Variants in HLCS observed in about 807,000 individuals in gnomAD.
The protein encoded by HLCS is biotin--protein ligase.
HLCS carries 53 observed loss-of-function variants against 75.0 expected under a neutral mutation model. The ratio of observed to expected loss-of-function variants is 0.71; its 90% CI spans 0.57 to 0.89. HLCS has a LOEUF of 0.89. HLCS is among the 40% of genes least tolerant of loss of function. The pLI is 0.00. For missense variants in HLCS, 966 were observed against 1,074.0 expected (o/e 0.90, Z 1.41); for synonymous variants, 431 against 428.6 (o/e 1.01, Z -0.07).
intron 6 of HLCS, among the ~76,000 whole-genome samples, chr21:36,801,246 T>C (rs1002744023): frequency 9.9e-5 from 15 of 152,190 alleles, no homozygotes; most frequent in African/African-American, 2.9e-4. Context: ...CAGTTCACAA[T>C]AGAGACGCAA....
intron 6 of HLCS, among the ~76,000 whole-genome samples, chr21:36,876,266 C>G (rs1344172051): frequency 6.6e-6 from 1 of 152,178 alleles, no homozygotes; most frequent in East Asian, 1.9e-4. Context: ...AAAGGTACCA[C>G]CAGCCACAGA....
chr21:36,913,743 G>A (rs974255389), intron 5 of HLCS, among the ~76,000 whole-genome samples: 2 of 152,134 alleles, frequency 1.3e-5, no homozygotes, highest in Non-Finnish European at 2.9e-5. Context: ...TCCAGCCTGG[G>A]CAACAAAGAC....
At chr21:36,762,180 C>T (rs2089871870) in intron 8 of HLCS, among the ~76,000 whole-genome samples, 1 of 152,188 alleles carries the variant, frequency 6.6e-6, no homozygotes, top group Non-Finnish European at 1.5e-5. Flanking sequence ...AACAGGTGCA[C>T]ACATCACTCC....
At chr21:36,973,687 A>C (rs2068856577) in intron 1 of HLCS, 1 of 152,242 alleles carries the variant, frequency 6.6e-6, no homozygotes, top group South Asian at 2.1e-4. Context: ...AGCTGGCTAC[A>C]ACATGACAAA....
chr21:36,897,346 A>G (rs2065055617), intron 5 of HLCS, among the ~76,000 whole-genome samples: 1 of 152,232 alleles, frequency 6.6e-6, no homozygotes, highest in African/African-American at 2.4e-5. Context: ...TTCAGAAACC[A>G]GGATCCAAGA....
intron 2 of HLCS, among the ~76,000 whole-genome samples, chr21:36,941,814 G>C (rs2067154034): frequency 6.6e-6 from 1 of 152,164 alleles, no homozygotes; most frequent in Non-Finnish European, 1.5e-5. Flanking sequence ...AGACCAGCTT[G>C]GCCAACATAG....
chr21:36,861,305 T>C (rs937996794), intron 6 of HLCS, among the ~76,000 whole-genome samples: 2 of 152,162 alleles, frequency 1.3e-5, no homozygotes, highest in African/African-American at 4.8e-5. Flanking sequence ...CTGTGGTGTT[T>C]ACCTATGTGG....
At chr21:36,929,853 G>A (rs1383584039) in intron 5 of HLCS, among the ~76,000 whole-genome samples, 1 of 152,234 alleles carries the variant, frequency 6.6e-6, no homozygotes, top group Non-Finnish European at 1.5e-5. Flanking sequence ...GAAACCCAGA[G>A]CGCTGTTGCC....
Position 36,749,441 on chromosome 21 carries a change from G to C in HLCS, c.*4805C>G, listed in dbSNP as rs897111499. On this transcript the variant is annotated 3_prime_UTR_variant, in exon 11 of 11. Coordinates refer to ENST00000674895, the MANE Select transcript of HLCS (RefSeq NM_001352514.2). ...CCTACACCAACTGCTCTCAAAATGTGAACTGACTTTTTTTTTTTTTTTTTT... is the reference window on the plus strand; with the variant it reads ...CCTACACCAACTGCTCTCAAAATGTCAACTGACTTTTTTTTTTTTTTTTTT... 1 of 119,346 alleles carries C rather than the reference G, an allele frequency of 8.4e-6. No individual in the cohort carries two copies. Among genetic ancestry groups the C allele is most frequent in the Non-Finnish European group, 1.7e-5 (1 of 58,862 alleles). The allele number at this position is 119,346 out of a possible 1,614,324, so 7.4% of individuals were successfully genotyped here.
chr21:36,883,098 T>G (rs1428987460), intron 6 of HLCS, among the ~76,000 whole-genome samples: 2 of 152,128 alleles, frequency 1.3e-5, no homozygotes, highest in African/African-American at 4.8e-5. Flanking sequence ...GGAATACCCC[T>G]CATGCAGAAA....
intron 1 of HLCS, among the ~76,000 whole-genome samples, chr21:36,989,747 G>C (rs542399299): frequency 3.3e-5 from 5 of 152,194 alleles, no homozygotes; most frequent in Non-Finnish European, 7.4e-5. Flanking sequence ...CTTTTTAGCG[G>C]CGAGTAGGCC....
intron 6 of HLCS, among the ~76,000 whole-genome samples, chr21:36,805,303 C>T (rs2061329970): frequency 6.6e-6 from 1 of 152,186 alleles, no homozygotes; most frequent in South Asian, 2.1e-4. Flanking sequence ...CAGCAGAGTC[C>T]AGGTATCCCC....
intron 4 of HLCS, among the ~76,000 whole-genome samples, chr21:36,932,524 TCTCCAC>T (rs1443939837): frequency 6.6e-6 from 1 of 152,210 alleles, no homozygotes; most frequent in Non-Finnish European, 1.5e-5. Flanking sequence ...AATTAAAATA[TCTCCAC>T]CTATCAGCAG....
intron 1 of HLCS, among the ~76,000 whole-genome samples, chr21:36,978,427 G>A (rs1241430528): frequency 6.6e-6 from 1 of 152,004 alleles, no homozygotes; most frequent in African/African-American, 2.4e-5. Context: ...CCAGGAAACA[G>A]AGGTTGCAGT....
Position 36,817,721 on chromosome 21 carries a change from T to C in HLCS, c.1893-50436A>G, listed in dbSNP as rs1211266363. ...TCTTTCAAAAAGTACTACTCCATTA[T>C]TGGGAATGTTTATGCCTAAAAAAGA... On this transcript the variant is annotated intron_variant, in intron 6 of 10. Coordinates refer to ENST00000674895, the MANE Select transcript of HLCS (RefSeq NM_001352514.2). Among the ~76,000 whole-genome samples the C allele has an allele frequency of 1.2e-4, 19 of 152,368 alleles. No individual in the cohort carries two copies. In the South Asian group the frequency reaches 2.9e-3, roughly 23 times the overall value.
intron 2 of HLCS, among the ~76,000 whole-genome samples, chr21:36,949,392 C>T (rs2067564946): frequency 6.6e-6 from 1 of 152,214 alleles, no homozygotes; most frequent in African/African-American, 2.4e-5. Context: ...AGCCACATGT[C>T]CTTCTACTTC....
chr21:36,801,995 C>T (rs999934717), intron 6 of HLCS, among the ~76,000 whole-genome samples: 26 of 151,992 alleles, frequency 1.7e-4, no homozygotes, highest in Non-Finnish European at 3.1e-4. Context: ...TCTTTAATAA[C>T]AATATTCATA....
intron 6 of HLCS, among the ~76,000 whole-genome samples, chr21:36,881,399 T>C (rs1303151188): frequency 6.6e-6 from 1 of 152,194 alleles, no homozygotes; most frequent in Non-Finnish European, 1.5e-5. Context: ...CTCATTCGAC[T>C]TTCCCTGGGT....
intron 6 of HLCS, among the ~76,000 whole-genome samples, chr21:36,868,111 C>T (rs1380976485): frequency 1.3e-5 from 2 of 150,720 alleles, no homozygotes; most frequent in Admixed American, 6.6e-5. Context: ...GATCACACCA[C>T]TGCATTCCAG....
Sources: allele counts gnomAD v4.1 joint callset (sites outside exome capture counted in the v4.1 genomes callset), GRCh38; gene constraint gnomAD v4.1.1; transcripts MANE v1.5; gene names NCBI Gene and HGNC (gene_info 2026-07-23, HGNC 2026-07-21).